The following HDHD2 variants were observed in gnomAD, a reference collection of about 807,000 sequenced individuals.
The protein encoded by HDHD2 is haloacid dehalogenase-like hydrolase domain-containing protein 2.
HDHD2 carries 26 observed loss-of-function variants against 24.8 expected under a neutral mutation model. The observed-to-expected ratio is 1.05, with a 90% CI of 0.77 to 1.45. HDHD2 has a LOEUF of 1.45. Among genes scored for constraint, HDHD2 ranks in the 40% most tolerant of loss-of-function variants. The pLI is 0.00. For synonymous variants in HDHD2, 128 were observed against 114.9 expected (o/e 1.11, Z -0.73); for missense variants, 299 against 313.4 (o/e 0.95, Z 0.35).
intron 4 of HDHD2, among the ~76,000 whole-genome samples, chr18:47,117,428 C>T (rs925793623): frequency 2.0e-5 from 3 of 152,094 alleles, no homozygotes; most frequent in Non-Finnish European, 4.4e-5. Flanking sequence ...ATGAGTTTGG[C>T]CCCCTTCCCT....
At position 47,133,395 on chromosome 18, in the gene HDHD2, T is replaced by G. The variant is rs199828067; in HGVS notation, c.310+1101A>C. On this transcript the variant is annotated intron_variant, in intron 3 of 6. Transcript: ENST00000300605. ...CACATTTTCTTAATCCAGTCTATCATTGATGGACATTTGGGTTGGTTCCAA... is the reference window on the plus strand; with the variant it reads ...CACATTTTCTTAATCCAGTCTATCAGTGATGGACATTTGGGTTGGTTCCAA... Among the ~76,000 whole-genome samples the G allele has an allele frequency of 1.4e-4, 22 of 151,864 alleles. No homozygotes were observed. The East Asian group carries it at 4.3e-3, about 29-fold the overall frequency.
intron 4 of HDHD2, among the ~76,000 whole-genome samples, chr18:47,116,249 G>C (rs1003523074): frequency 6.6e-6 from 1 of 152,160 alleles, no homozygotes; most frequent in East Asian, 1.9e-4. Context: ...TAGCATGCGG[G>C]ACATGATATA....
intron 2 of HDHD2, among the ~76,000 whole-genome samples, chr18:47,135,395 G>A (rs2063756155): frequency 6.6e-6 from 1 of 151,658 alleles, no homozygotes; most frequent in Non-Finnish European, 1.5e-5. Flanking sequence ...CCTAGTAGCT[G>A]GGATTATAGG....
At chr18:47,141,100 C>T (rs1568061177) in intron 1 of HDHD2, among the ~76,000 whole-genome samples, 1 of 152,156 alleles carries the variant, frequency 6.6e-6, no homozygotes, top group Non-Finnish European at 1.5e-5. Context: ...TACTGTAGAA[C>T]TCTGCTGATA....
At position 47,134,606 on chromosome 18, in the gene HDHD2, A is replaced by G; in HGVS notation, c.200T>C (p.Ile67Thr). 5.6e-6 allele frequency: 9 copies of G among 1,614,054 alleles called. No homozygotes were observed. The highest frequency in any genetic ancestry group is 6.8e-6 in the Non-Finnish European group (8 of 1,179,920). ...LERLRKLEFD[I>T]SEDEIFTSLT... ...AGATGTGAATATTTCATCTTCAGAG[A>G]TATCAAATTCCAATTTTCTCAACCT... The change falls in exon 3 of 7, where the codon ATC becomes ACC. Residue 67 changes from isoleucine (I) to threonine (T), a missense_variant. By Grantham distance (89) the Ile-to-Thr change is moderately conservative (BLOSUM62 -1). Coordinates refer to ENST00000300605, the MANE Select transcript of HDHD2 (RefSeq NM_032124.5).
chr18:47,130,922 C>G (rs1481367809), intron 3 of HDHD2, among the ~76,000 whole-genome samples: 1 of 152,172 alleles, frequency 6.6e-6, no homozygotes, highest in East Asian at 1.9e-4. Context: ...CATCTTATAA[C>G]AGAACTTCAG....
chr18:47,127,142 C>G (rs1421110833), intron 4 of HDHD2, among the ~76,000 whole-genome samples: 2 of 151,798 alleles, frequency 1.3e-5, no homozygotes, highest in African/African-American at 2.4e-5. Context: ...ACCTGGGTGA[C>G]AGAGCAAGAC....
Position 47,139,464 on chromosome 18 carries a change from C to CAAAAAAAAAAAA in HDHD2, c.-10-3027_-10-3016dup, listed in dbSNP as rs760347919. 1.2e-3 allele frequency among the ~76,000 whole-genome samples: 63 copies of CAAAAAAAAAAAA among 50,474 alleles called. 4 individuals are homozygous for CAAAAAAAAAAAA. The highest frequency in any genetic ancestry group is 4.7e-3 in the African/African-American group (62 of 13,252). The allele number at this position is 50,474 out of a possible 152,430, so 33.1% of individuals were successfully genotyped here. Reference sequence around the variant, plus strand: ...TGGGTGACAGAGCGAGACTCTGTCTCAAAAAAAAAAAAAAAAAAAAAAAAA... The same window carrying CAAAAAAAAAAAA: ...TGGGTGACAGAGCGAGACTCTGTCTCAAAAAAAAAAAAAAAAAAAAAAAAAAAAAAAAAAAAA... On this transcript the variant is annotated intron_variant, in intron 1 of 6. Transcript: ENST00000300605.
chr18:47,112,981 CT>C lies in HDHD2; in HGVS notation c.671del (p.Lys224ArgfsTer19). ...CTTTATACAGAAGATACATACCAGT[CT>C]TTACTAAGATGCCCAGCATGCCGAC... is the stretch of plus-strand genomic sequence containing the variant. ...QDVGMLGILVKTGKYRASDEE... is the reference protein window; with the variant it reads ...QDVGMLGILVXTGKYRASDEE... On this transcript the variant is annotated frameshift_variant, in exon 6 of 7. Coordinates refer to ENST00000300605, the MANE Select transcript of HDHD2 (RefSeq NM_032124.5). LOFTEE classifies it high-confidence loss of function. The C allele has an allele frequency of 6.2e-7, 1 of 1,613,196 alleles. No homozygotes were observed. The highest frequency in any genetic ancestry group is 8.5e-7 in the Non-Finnish European group (1 of 1,179,158).
intron 5 of HDHD2, among the ~76,000 whole-genome samples, chr18:47,113,457 G>A (rs2063532436): frequency 1.3e-5 from 2 of 152,186 alleles, no homozygotes; most frequent in South Asian, 2.1e-4. Flanking sequence ...GGCCCACATA[G>A]TATGTTATCC....
At chr18:47,114,492 T>C (rs569339565) in intron 5 of HDHD2, among the ~76,000 whole-genome samples, 1 of 152,330 alleles carries the variant, frequency 6.6e-6, no homozygotes, top group African/African-American at 2.4e-5. Flanking sequence ...CAATTTACCA[T>C]GTGGCAGTGT....
intron 6 of HDHD2, chr18:47,111,367 TAAAAAAA>T (rs547835822): frequency 1.4e-6 from 1 of 700,142 alleles, no homozygotes; most frequent in Non-Finnish European, 1.7e-6. Flanking sequence ...TTACATGAGC[TAAAAAAA>T]AAAAAAAAGA....
chr18:47,143,458 T>C (rs1223816289), intron 1 of HDHD2, among the ~76,000 whole-genome samples: 1 of 152,206 alleles, frequency 6.6e-6, no homozygotes, highest in Non-Finnish European at 1.5e-5. Context: ...ATATTTGTAT[T>C]CTACTAATAT....
chr18:47,113,333 A>G (rs1011846772), intron 5 of HDHD2, among the ~76,000 whole-genome samples: 11 of 152,240 alleles, frequency 7.2e-5, no homozygotes, highest in Non-Finnish European at 1.2e-4. Context: ...CCACACCTAC[A>G]TCTATTTATC....
At chr18:47,117,588 C>T (rs1222236434) in intron 4 of HDHD2, among the ~76,000 whole-genome samples, 1 of 152,168 alleles carries the variant, frequency 6.6e-6, no homozygotes, top group African/African-American at 2.4e-5. Flanking sequence ...TACCTAGTCT[C>T]AGGTATTGTT....
At chr18:47,114,359 A>G (rs2063539916) in intron 5 of HDHD2, among the ~76,000 whole-genome samples, 1 of 152,174 alleles carries the variant, frequency 6.6e-6, no homozygotes. Flanking sequence ...AGGCTTGGTG[A>G]TTCACCTCTT....
At chr18:47,116,001 C>CATGT (rs1420268967) in intron 4 of HDHD2, among the ~76,000 whole-genome samples, 1 of 152,072 alleles carries the variant, frequency 6.6e-6, no homozygotes, top group African/African-American at 2.4e-5. Context: ...TGATACAGGA[C>CATGT]GAAGAATACT....
At chr18:47,108,944 G>A in intron 6 of HDHD2, 159 bp from the exon 7 acceptor site, 1 of 571,998 alleles carries the variant, frequency 1.7e-6, no homozygotes. Flanking sequence ...GCTTCAGGAT[G>A]TAAATGAGGC....
rs540323283 is a variant in HDHD2 at position 47,142,932 on chromosome 18, C to G, written c.-10-6483G>C. Among the ~76,000 whole-genome samples, 407 of 152,188 alleles carry G rather than the reference C, an allele frequency of 2.7e-3. 2 individuals carry two copies. The highest frequency in any genetic ancestry group is 2.2e-3 in the Non-Finnish European group (150 of 68,018). ...AACTTTTTCTAAAGGTTCAATGCGC[C>G]TGACAAACTACTCTTAAATGAAACA... On this transcript the variant is annotated intron_variant, in intron 1 of 6. Transcript: ENST00000300605.
Sources: allele counts gnomAD v4.1 joint callset (sites outside exome capture counted in the v4.1 genomes callset), GRCh38; gene constraint gnomAD v4.1.1; transcripts MANE v1.5; gene names NCBI Gene and HGNC (gene_info 2026-07-23, HGNC 2026-07-21).